Variants in MACROD2 observed in about 807,000 individuals in gnomAD.
MACROD2 encodes the protein ADP-ribose glycohydrolase MACROD2.
MACROD2 carries 36 observed loss-of-function variants against 70.4 expected under a neutral mutation model. The ratio of observed to expected loss-of-function variants is 0.51; its 90% CI spans 0.39 to 0.68. The LOEUF is 0.68. Ranked by LOEUF, MACROD2 falls within the 30% of genes least tolerant of loss-of-function variation. The pLI is 0.00. For missense variants in MACROD2, 496 were observed against 538.4 expected (o/e 0.92, Z 0.78); for synonymous variants, 172 against 178.8 (o/e 0.96, Z 0.30).
chr20:14,609,730 G>A (rs192240956), intron 4 of MACROD2, among the ~76,000 whole-genome samples: 2 of 152,058 alleles, frequency 1.3e-5, no homozygotes, highest in Admixed American at 6.6e-5. Context: ...TATAGTGATG[G>A]GTTTATGTGG....
chr20:15,579,515 C>T (rs913385231), intron 8 of MACROD2, among the ~76,000 whole-genome samples: 3 of 152,188 alleles, frequency 2.0e-5, no homozygotes, highest in African/African-American at 7.2e-5. Context: ...TATGGTGAAG[C>T]TTGCTGTTTG....
intron 7 of MACROD2, among the ~76,000 whole-genome samples, chr20:15,465,491 C>T (rs1296110900): frequency 1.3e-5 from 2 of 152,238 alleles, no homozygotes; most frequent in Non-Finnish European, 2.9e-5. Context: ...TTGGCAATCT[C>T]GGGATGGAGT....
chr20:14,852,069 G>A (rs923182176), intron 5 of MACROD2, among the ~76,000 whole-genome samples: 1 of 152,168 alleles, frequency 6.6e-6, no homozygotes, highest in African/African-American at 2.4e-5. Context: ...AGACTTCCAA[G>A]GGGAGAGCAG....
chr20:15,103,347 T>C (rs2075887841), intron 5 of MACROD2, among the ~76,000 whole-genome samples: 1 of 152,062 alleles, frequency 6.6e-6, no homozygotes, highest in Admixed American at 6.6e-5. Context: ...GCCATTTTTT[T>C]TCATGTGTGG....
intron 8 of MACROD2, among the ~76,000 whole-genome samples, chr20:15,697,033 C>CT (rs1169362819): frequency 1.3e-5 from 2 of 151,764 alleles, no homozygotes; most frequent in African/African-American, 4.8e-5. Flanking sequence ...TTTGTATTGT[C>CT]TTTTTTGTTC....
chr20:15,962,971 C>T (rs966568578), intron 12 of MACROD2, among the ~76,000 whole-genome samples: 2 of 152,056 alleles, frequency 1.3e-5, no homozygotes, highest in African/African-American at 2.4e-5. Flanking sequence ...AAAGAGTAGC[C>T]GCTGCAAAGT....
chr20:14,484,311 A>G (rs2084696126), intron 3 of MACROD2, among the ~76,000 whole-genome samples: 2 of 152,060 alleles, frequency 1.3e-5, no homozygotes, highest in Admixed American at 6.5e-5. Context: ...TTGTGGGTAC[A>G]TAGTAGATGT....
At chr20:14,616,171 G>A (rs771290320) in intron 4 of MACROD2, among the ~76,000 whole-genome samples, 1 of 152,124 alleles carries the variant, frequency 6.6e-6, no homozygotes, top group African/African-American at 2.4e-5. Context: ...ATTCTGTCAT[G>A]GCCATATAAA....
chr20:15,011,557 G>T (rs1441485783), intron 5 of MACROD2, among the ~76,000 whole-genome samples: 1 of 152,038 alleles, frequency 6.6e-6, no homozygotes, highest in East Asian at 1.9e-4. Context: ...CACTTTTCCT[G>T]GCCATGGTCT....
At chr20:14,434,526 C>T (rs1251057352) in intron 3 of MACROD2, among the ~76,000 whole-genome samples, 1 of 152,070 alleles carries the variant, frequency 6.6e-6, no homozygotes, top group East Asian at 1.9e-4. Flanking sequence ...TTCTCTCATC[C>T]AGCCTTTATT....
rs550133829 is a variant in MACROD2 at position 14,122,888 on chromosome 20, C to G, written c.271+37160C>G. On this transcript the variant is annotated intron_variant, in intron 3 of 17. Coordinates refer to ENST00000684519, the MANE Select transcript of MACROD2 (RefSeq NM_001351661.2). The stretch of plus-strand genomic sequence containing the variant: ...GTCTATCTATCTGGCCCATAAAACT[C>G]CTTTCCAGTATGTGAGAAATACATC... Among the ~76,000 whole-genome samples, 257 of 152,222 alleles carry G rather than the reference C, an allele frequency of 1.7e-3. 2 individuals are homozygous for G. Among genetic ancestry groups the G allele is most frequent in the African/African-American group, 5.9e-3 (245 of 41,558 alleles).
intron 5 of MACROD2, among the ~76,000 whole-genome samples, chr20:15,133,247 G>A (rs955303238): frequency 2.0e-5 from 3 of 152,028 alleles, no homozygotes; most frequent in South Asian, 2.1e-4. Flanking sequence ...AAAACAGTAT[G>A]AGAAAGGACA....
At chr20:15,953,288 A>G (rs1383945803) in intron 12 of MACROD2, among the ~76,000 whole-genome samples, 2 of 152,168 alleles carry the variant, frequency 1.3e-5, no homozygotes, top group African/African-American at 4.8e-5. Flanking sequence ...AATAAATTCT[A>G]GCATTCTATA....
At chr20:15,562,841 G>T (rs2048262664) in intron 8 of MACROD2, among the ~76,000 whole-genome samples, 1 of 152,162 alleles carries the variant, frequency 6.6e-6, no homozygotes, top group African/African-American at 2.4e-5. Context: ...AGATGGATTT[G>T]GGCAATTTGG....
intron 9 of MACROD2, among the ~76,000 whole-genome samples, chr20:15,878,761 A>G (rs533172804): frequency 2.0e-5 from 3 of 152,296 alleles, no homozygotes; most frequent in African/African-American, 2.4e-5. Flanking sequence ...TCTGTCTCCA[A>G]TAAAAGAAGG....
At chr20:14,149,807 G>A (rs2054992849) in intron 3 of MACROD2, among the ~76,000 whole-genome samples, 1 of 152,000 alleles carries the variant, frequency 6.6e-6, no homozygotes, top group Non-Finnish European at 1.5e-5. Context: ...AAATGAATGT[G>A]TCAATATAAA....
chr20:15,042,364 A>ATTG (rs2075362754), intron 5 of MACROD2, among the ~76,000 whole-genome samples: 1 of 152,218 alleles, frequency 6.6e-6, no homozygotes, highest in African/African-American at 2.4e-5. Context: ...ATATAAAAAT[A>ATTG]ATGGTACATG....
chr20:14,107,428 C>G (rs1435991808), intron 3 of MACROD2, among the ~76,000 whole-genome samples: 3 of 151,974 alleles, frequency 2.0e-5, no homozygotes, highest in African/African-American at 7.3e-5. Context: ...AAGGGCAAAT[C>G]TAAGAGTATT....
At position 14,962,652 on chromosome 20, in the gene MACROD2, C is replaced by A. The variant is rs960771334; in HGVS notation, c.419-267288C>A. Among the ~76,000 whole-genome samples the A allele has an allele frequency of 1.6e-4, 24 of 150,682 alleles. No individual in the cohort carries two copies. The Admixed American group carries it at 1.6e-3, about 10-fold the overall frequency. ...GAATACCTCCTCTTCCTCTTTTCTT[C>A]CTCCTCCTCTTCTTCCTTTTCTTCA... On this transcript the variant is annotated intron_variant, in intron 5 of 17. Transcript: ENST00000684519.
Sources: gnomAD v4.1 joint callset for allele counts (sites outside exome capture counted in the v4.1 genomes callset) on GRCh38, gnomAD v4.1.1 for gene constraint, MANE v1.5 for transcripts, NCBI Gene and HGNC (gene_info 2026-07-23, HGNC 2026-07-21) for gene names.